DYSF: variants seen among roughly 807,000 people sequenced by gnomAD.
The protein encoded by DYSF is dystrophy-associated fer-1-like 1.
DYSF carries 212 observed loss-of-function variants against 274.9 expected under a neutral mutation model. The observed-to-expected ratio is 0.77, with a 90% CI of 0.69 to 0.86. The LOEUF (loss-of-function observed/expected upper bound fraction) is 0.86, where lower values mean the gene tolerates loss of function less well. Among genes scored for constraint, DYSF ranks in the 40% least tolerant of loss-of-function variants. The probability of loss-of-function intolerance (pLI) is 0.00; values close to 1 mark genes in which losing one functional copy is unlikely to be tolerated. For missense variants in DYSF, 2,666 were observed against 2,783.2 expected (o/e 0.96, Z 0.95); for synonymous variants, 1,091 against 1,078.7 (o/e 1.01, Z -0.22).
chr2:71,509,355 G>T (rs541784689), intron 4 of DYSF, among the ~76,000 whole-genome samples: 45 of 151,810 alleles, frequency 3.0e-4, no homozygotes, highest in Non-Finnish European at 6.2e-4. Context: ...AAAGATGAGG[G>T]TCTCACTATG....
At chr2:71,597,305 C>A (rs938500361) in intron 32 of DYSF, among the ~76,000 whole-genome samples, 1 of 152,112 alleles carries the variant, frequency 6.6e-6, no homozygotes, top group Non-Finnish European at 1.5e-5. Flanking sequence ...AGTAGGGTGC[C>A]AAGGGTATTG....
At chr2:71,543,812 G>C (rs181511706) in intron 17 of DYSF, among the ~76,000 whole-genome samples, 2,690 of 152,224 alleles carry the variant, frequency 0.018, 41 homozygotes, top group Admixed American at 0.023. Flanking sequence ...GATGGCGGCA[G>C]TACAGTCCAG....
intron 17 of DYSF, among the ~76,000 whole-genome samples, 198 bp downstream of exon 17, chr2:71,539,437 G>A (rs923268187): frequency 2.0e-5 from 3 of 152,204 alleles, no homozygotes; most frequent in Non-Finnish European, 2.9e-5. Flanking sequence ...CACTTGGATT[G>A]TGGGATATGC....
At chr2:71,546,174 C>T (rs1423663931) in intron 17 of DYSF, among the ~76,000 whole-genome samples, 12 of 152,246 alleles carry the variant, frequency 7.9e-5, no homozygotes, top group Admixed American at 7.2e-4. Flanking sequence ...TTGCTCGGGC[C>T]AAGCCTCCCC....
chr2:71,501,715 G>A (rs1052067733), intron 3 of DYSF, among the ~76,000 whole-genome samples: 2 of 152,186 alleles, frequency 1.3e-5, no homozygotes, highest in South Asian at 2.1e-4. Flanking sequence ...GTCCATCCAT[G>A]TTGTAGCATG....
At chr2:71,656,368 G>A (rs912817496) in intron 43 of DYSF, 78 bp downstream of exon 43, 17 of 1,589,520 alleles carry the variant, frequency 1.1e-5, no homozygotes, top group East Asian at 2.2e-5. Flanking sequence ...GGGAGGGGTC[G>A]TACCTACACT....
chr2:71,461,722 G>C (rs1235751473), upstream of DYSF, among the ~76,000 whole-genome samples: 1 of 152,228 alleles, frequency 6.6e-6, no homozygotes, highest in Admixed American at 6.5e-5. Context: ...AGGAGAGGGT[G>C]GTGGTAAGAC....
chr2:71,674,378 C>A, intron 52 of DYSF, 82 bp downstream of exon 52: 10 of 1,389,436 alleles, frequency 7.2e-6, no homozygotes, highest in Admixed American at 1.7e-5. Flanking sequence ...ACTGTTGGAC[C>A]CTTGGGGAAG....
intron 14 of DYSF, among the ~76,000 whole-genome samples, chr2:71,531,035 G>T (rs1225958592): frequency 2.6e-5 from 4 of 151,764 alleles, no homozygotes; most frequent in South Asian, 4.2e-4. Context: ...AGAAAGAAAA[G>T]GTCCTGCCCT....
chr2:71,541,285 A>T (rs1221771331), intron 17 of DYSF, among the ~76,000 whole-genome samples: 8 of 152,220 alleles, frequency 5.3e-5, no homozygotes, highest in Admixed American at 5.2e-4. Flanking sequence ...GTATAGTAAT[A>T]GCTCTTTAAA....
At chr2:71,631,436 A>G (rs1464809322) in intron 41 of DYSF, among the ~76,000 whole-genome samples, 2 of 152,096 alleles carry the variant, frequency 1.3e-5, no homozygotes, top group Admixed American at 1.3e-4. Context: ...TAAAAATATC[A>G]CCCGTTCAGA....
chr2:71,554,083 C>A, intron 21 of DYSF, 152 bp downstream of exon 21: 1 of 1,174,932 alleles, frequency 8.5e-7, no homozygotes, highest in Non-Finnish European at 1.2e-6. Context: ...TGTGCCTTGG[C>A]AATACCAGGC....
intron 40 of DYSF, among the ~76,000 whole-genome samples, chr2:71,617,887 TGGTAGAG>T (rs2093939639): frequency 1.1e-5 from 1 of 89,238 alleles, no homozygotes; most frequent in Non-Finnish European, 2.3e-5. Context: ...GGGGTGTGTG[TGGTAGAG>T]GTGTGTTTGT....
chr2:71,569,235 A>G (rs996098816), intron 26 of DYSF, among the ~76,000 whole-genome samples: 4 of 152,074 alleles, frequency 2.6e-5, no homozygotes, highest in African/African-American at 9.7e-5. Flanking sequence ...CCCATCCTCA[A>G]AGACACCCAG....
At chr2:71,457,207 A>T (rs1268502205) in intron 1 of DYSF, among the ~76,000 whole-genome samples, 2 of 152,138 alleles carry the variant, frequency 1.3e-5, no homozygotes, top group African/African-American at 4.8e-5. Context: ...CTACATCATG[A>T]CCCGGTTATA....
upstream of DYSF, among the ~76,000 whole-genome samples, chr2:71,462,478 A>G (rs1010318344): frequency 6.6e-6 from 1 of 152,182 alleles, no homozygotes; most frequent in Non-Finnish European, 1.5e-5. Flanking sequence ...GTTGCCTGCA[A>G]CATGGCGAGC....
chr2:71,593,937 C>T (rs1018490789), intron 32 of DYSF, among the ~76,000 whole-genome samples: 5 of 152,200 alleles, frequency 3.3e-5, no homozygotes, highest in African/African-American at 1.2e-4. Flanking sequence ...GGCTGATAGA[C>T]CAGATGCCAC....
intron 3 of DYSF, among the ~76,000 whole-genome samples, chr2:71,483,348 T>C (rs1333217980): frequency 6.6e-6 from 1 of 152,188 alleles, no homozygotes; most frequent in Non-Finnish European, 1.5e-5. Flanking sequence ...CAAGCATGAA[T>C]GGTGGACCCG....
At chr2:71,543,100 C>CT (rs1053514013) in intron 17 of DYSF, among the ~76,000 whole-genome samples, 4 of 150,098 alleles carry the variant, frequency 2.7e-5, no homozygotes, top group African/African-American at 9.8e-5. Flanking sequence ...TCCTCACTTC[C>CT]AGACGGGGCG....
Sources: allele counts gnomAD v4.1 joint callset (sites outside exome capture counted in the v4.1 genomes callset), GRCh38; gene constraint gnomAD v4.1.1; transcripts MANE v1.5; gene names NCBI Gene and HGNC (gene_info 2026-07-23, HGNC 2026-07-21).